TYW1: variants seen among roughly 807,000 people sequenced by gnomAD.
TYW1 encodes tRNA-yW synthesizing protein 1 homolog, also known as S-adenosyl-L-methionine-dependent tRNA 4-demethylwyosine synthase TYW1.
TYW1 carries 46 observed loss-of-function variants against 96.2 expected under a neutral mutation model. The observed-to-expected ratio is 0.48, with a 90% CI of 0.38 to 0.61. TYW1 has a LOEUF of 0.61. Among genes scored for constraint, TYW1 ranks in the 20% least tolerant of loss-of-function variants. TYW1 has a pLI of 0.00. For synonymous variants in TYW1, 274 were observed against 323.0 expected (o/e 0.85, Z 1.63); for missense variants, 684 against 909.6 (o/e 0.75, Z 3.19).
At chr7:67,134,326 C>T (rs373958035) in intron 13 of TYW1, among the ~76,000 whole-genome samples, 131 of 151,844 alleles carry the variant, frequency 8.6e-4, no homozygotes, top group African/African-American at 2.9e-3. Context: ...GTGGATCACT[C>T]GAGGTCAGGA....
intron 15 of TYW1, among the ~76,000 whole-genome samples, chr7:67,222,805 C>T (rs1242135926): frequency 3.3e-5 from 5 of 151,118 alleles, no homozygotes; most frequent in East Asian, 1.9e-4. Context: ...GAGATTGCCA[C>T]GTGCAAATGT....
intron 7 of TYW1, among the ~76,000 whole-genome samples, chr7:67,042,521 G>A (rs991601327): frequency 3.9e-5 from 6 of 152,172 alleles, no homozygotes; most frequent in Non-Finnish European, 8.8e-5. Context: ...TTGACTGGGG[G>A]TAGGGATATT....
intron 11 of TYW1, among the ~76,000 whole-genome samples, chr7:67,088,719 A>G (rs1796622627): frequency 6.6e-6 from 1 of 152,008 alleles, no homozygotes; most frequent in African/African-American, 2.4e-5. Flanking sequence ...ACATGCTACC[A>G]AACTCAGCTA....
chr7:67,029,813 A>T (rs1794614785), intron 7 of TYW1, among the ~76,000 whole-genome samples: 1 of 152,062 alleles, frequency 6.6e-6, no homozygotes, highest in African/African-American at 2.4e-5. Context: ...GGATCCTCCC[A>T]TCTCGGCCTC....
At chr7:67,133,229 T>C (rs1798138575) in intron 13 of TYW1, among the ~76,000 whole-genome samples, 1 of 149,634 alleles carries the variant, frequency 6.7e-6, no homozygotes, top group South Asian at 2.1e-4. Flanking sequence ...CTCAACCTCC[T>C]GGGCTCAAGT....
intron 10 of TYW1, among the ~76,000 whole-genome samples, chr7:67,069,828 G>C (rs1795979021): frequency 6.6e-6 from 1 of 152,116 alleles, no homozygotes; most frequent in South Asian, 2.1e-4. Context: ...TTACCTTTAT[G>C]TTGTTCTTTG....
At chr7:67,005,472 T>A (rs147791981) in intron 3 of TYW1, among the ~76,000 whole-genome samples, 1,864 of 152,332 alleles carry the variant, frequency 0.012, 39 homozygotes, top group African/African-American at 0.043. Flanking sequence ...GGCATGTGCC[T>A]GTAGTCCTAG....
At chr7:67,119,676 C>T (rs1049961681) in intron 13 of TYW1, among the ~76,000 whole-genome samples, 5 of 152,264 alleles carry the variant, frequency 3.3e-5, no homozygotes, top group African/African-American at 9.6e-5. Flanking sequence ...TATTAAAAAA[C>T]ACTGTTTTTC....
At chr7:67,043,861 C>T (rs1205353658) in intron 7 of TYW1, among the ~76,000 whole-genome samples, 1 of 152,100 alleles carries the variant, frequency 6.6e-6, no homozygotes. Flanking sequence ...TTTTAGAACT[C>T]AGTATATACA....
intron 7 of TYW1, among the ~76,000 whole-genome samples, chr7:67,027,542 A>G (rs940293628): frequency 2.0e-5 from 3 of 152,220 alleles, no homozygotes; most frequent in Non-Finnish European, 2.9e-5. Flanking sequence ...TTACATGGCC[A>G]TAAGAAAAAT....
At chr7:67,200,147 C>A (rs1298410870) in intron 15 of TYW1, among the ~76,000 whole-genome samples, 1 of 151,978 alleles carries the variant, frequency 6.6e-6, no homozygotes, top group African/African-American at 2.4e-5. Context: ...CAAGTGTGCG[C>A]CAGGACAAAG....
At chr7:67,211,047 C>A (rs2116392855) in intron 15 of TYW1, among the ~76,000 whole-genome samples, 1 of 151,462 alleles carries the variant, frequency 6.6e-6, no homozygotes, top group African/African-American at 2.4e-5. Flanking sequence ...GGGTTATAAT[C>A]CAGTACTACC....
chr7:67,149,766 C>CTATA (rs1367436171), intron 13 of TYW1, among the ~76,000 whole-genome samples: 1 of 84,618 alleles, frequency 1.2e-5, no homozygotes, highest in Admixed American at 1.0e-4. Flanking sequence ...ATCTATCTAT[C>CTATA]TATCTATCTC....
At chr7:67,103,812 C>A (rs1300554224) in intron 12 of TYW1, among the ~76,000 whole-genome samples, 1 of 152,142 alleles carries the variant, frequency 6.6e-6, no homozygotes, top group Non-Finnish European at 1.5e-5. Flanking sequence ...TACAGCAAGT[C>A]AACAAGTTCA....
At chr7:67,035,027 G>T (rs925842555) in intron 7 of TYW1, among the ~76,000 whole-genome samples, 1 of 151,656 alleles carries the variant, frequency 6.6e-6, no homozygotes, top group Non-Finnish European at 1.5e-5. Context: ...GTGTTAATTT[G>T]CATTTTTAAA....
At chr7:67,048,056 C>T (rs1207984668) in intron 7 of TYW1, among the ~76,000 whole-genome samples, 1 of 143,792 alleles carries the variant, frequency 7.0e-6, no homozygotes. Flanking sequence ...CCATAGTGCT[C>T]GGATTATAGG....
At chr7:67,011,369 C>G (rs2129240048) in intron 4 of TYW1, among the ~76,000 whole-genome samples, 1 of 152,360 alleles carries the variant, frequency 6.6e-6, no homozygotes, top group Middle Eastern at 3.4e-3. Context: ...GGTTTAATTT[C>G]TTCATCTGAA....
intron 11 of TYW1, among the ~76,000 whole-genome samples, chr7:67,095,776 C>G (rs1196556856): frequency 6.6e-6 from 1 of 152,050 alleles, no homozygotes; most frequent in Admixed American, 6.6e-5. Flanking sequence ...ACACGTGGTG[C>G]TATCCCTACT....
At chr7:67,177,228 G>A (rs1323438956) in intron 13 of TYW1, among the ~76,000 whole-genome samples, 1 of 151,652 alleles carries the variant, frequency 6.6e-6, no homozygotes, top group Non-Finnish European at 1.5e-5. Context: ...GTGGATTTTT[G>A]ACACAAATGT....
Sources: gnomAD v4.1 joint callset for allele counts (sites outside exome capture counted in the v4.1 genomes callset) on GRCh38, gnomAD v4.1.1 for gene constraint, MANE v1.5 for transcripts, NCBI Gene and HGNC (gene_info 2026-07-23, HGNC 2026-07-21) for gene names.